ADH1C: variants seen among roughly 807,000 people sequenced by gnomAD.
ADH1C encodes the protein alcohol dehydrogenase 1C.
Under a neutral mutation model 35.0 loss-of-function variants are expected in ADH1C, and 26 were observed. That is an observed-to-expected ratio of 0.74 (90% CI 0.54 to 1.03). The LOEUF (loss-of-function observed/expected upper bound fraction) is 1.03. ADH1C is among the 50% of genes least tolerant of loss of function. The pLI is 0.00. For missense variants in ADH1C, 413 were observed against 465.4 expected (o/e 0.89, Z 1.04); for synonymous variants, 170 against 169.3 (o/e 1.00, Z -0.03).
chr4:99,340,584 T>C lies in ADH1C; in HGVS notation c.955A>G (p.Ile319Val), dbSNP rs1273572942. ...LLTGRTWKGA[I>V]FGGFKSKESV... Reference sequence around the variant, plus strand: ...AAGCCTAACTACATACCTCCAAAAATAGCTCCTTTCCACGTGCGTCCAGTC... The same window carrying C: ...AAGCCTAACTACATACCTCCAAAAACAGCTCCTTTCCACGTGCGTCCAGTC... The change falls in exon 7 of 9, where the codon ATT becomes GTT. Residue 319 changes from isoleucine (I) to valine (V), a missense_variant. Ile to Val is a conservative substitution (Grantham distance 29). Transcript: ENST00000515683. 1 of 1,614,156 alleles carries C rather than the reference T, an allele frequency of 6.2e-7. No individual in the cohort carries two copies. The highest frequency in any genetic ancestry group is 1.7e-5 in the Admixed American group (1 of 60,020).
At chr4:99,343,702 A>G (rs1016780131) in intron 5 of ADH1C, among the ~76,000 whole-genome samples, 2 of 152,222 alleles carry the variant, frequency 1.3e-5, no homozygotes, top group Non-Finnish European at 2.9e-5. Context: ...ATCTGTTGTT[A>G]TGAGTATCCT....
At chr4:99,347,212 C>T in intron 2 of ADH1C, 68 bp from the exon 3 acceptor site, 1 of 1,534,296 alleles carries the variant, frequency 6.5e-7, no homozygotes, top group Non-Finnish European at 8.7e-7. Flanking sequence ...TTAACAAACC[C>T]AATTTTCTAA....
intron 8 of ADH1C, among the ~76,000 whole-genome samples, chr4:99,338,417 A>ATATATATATACAC (rs1734331797): frequency 1.6e-5 from 1 of 63,552 alleles, no homozygotes; most frequent in African/African-American, 5.5e-5. Context: ...ATATATATAT[A>ATATATATATACAC]TATATATATA....
chr4:99,338,393 TTCTATATATATATATATATATATATA>T (rs57823030), intron 8 of ADH1C, among the ~76,000 whole-genome samples: 2,928 of 73,096 alleles, frequency 0.04, 350 homozygotes, highest in Middle Eastern at 0.26. Context: ...GAATACTGTT[TTCTATATATATATATATATATATATA>T]TATATATATA....
At chr4:99,351,129 C>T (rs549474757) in intron 1 of ADH1C, 5 of 151,600 alleles carry the variant, frequency 3.3e-5, no homozygotes, top group African/African-American at 1.2e-4. Flanking sequence ...GAAAGATACT[C>T]CATCTCCAAA....
At chr4:99,343,174 T>G in intron 5 of ADH1C, 119 bp from the exon 6 acceptor site, 1 of 1,414,780 alleles carries the variant, frequency 7.1e-7, no homozygotes, top group Non-Finnish European at 9.5e-7. Context: ...CTGTCCAATC[T>G]GTTATCGAAA....
chr4:99,348,772 A>G (rs1381343021), intron 1 of ADH1C, among the ~76,000 whole-genome samples: 3 of 151,990 alleles, frequency 2.0e-5, no homozygotes, highest in Non-Finnish European at 2.9e-5. Flanking sequence ...ATTTCTCCAC[A>G]TCCTCTCCAG....
intron 7 of ADH1C, 114 bp from the exon 8 acceptor site, chr4:99,339,829 T>C: frequency 1.0e-6 from 1 of 992,040 alleles, no homozygotes. Context: ...CAGACTGCTA[T>C]AACTGAGGAT....
chr4:99,345,454 C>G (rs1252065314), intron 3 of ADH1C, among the ~76,000 whole-genome samples, 188 bp from the exon 4 acceptor site: 1 of 152,046 alleles, frequency 6.6e-6, no homozygotes, highest in Non-Finnish European at 1.5e-5. Context: ...TTTATAAGTG[C>G]CTGAAGAATC....
At chr4:99,337,411 T>G (rs1734302641) in intron 8 of ADH1C, among the ~76,000 whole-genome samples, 1 of 152,132 alleles carries the variant, frequency 6.6e-6, no homozygotes, top group African/African-American at 2.4e-5. Context: ...GATACAGAGA[T>G]GTTTAAGGAT....
rs201424907 is a variant in ADH1C, at chr4:99,344,858, C to T, written c.567+4G>A. On this transcript the variant is annotated splice_donor_region_variant and intron_variant, in intron 5 of 8. Coordinates refer to ENST00000515683, the MANE Select transcript of ADH1C (RefSeq NM_000669.5). ...CCGGTTTTATCATCCATTGTCATTTCTACCTTGGCAACTTTGACTGCAGAC... is the reference window on the plus strand; with the variant it reads ...CCGGTTTTATCATCCATTGTCATTTTTACCTTGGCAACTTTGACTGCAGAC... The T allele has an allele frequency of 2.4e-4, 385 of 1,614,164 alleles. 1 individual carries two copies. The highest frequency in any genetic ancestry group is 1.9e-3 in the South Asian group (175 of 91,082).
rs967562766 is a variant in ADH1C, at chr4:99,347,658, C to A, written c.120+87G>T. On this transcript the variant is annotated intron_variant, in intron 2 of 8. Transcript: ENST00000515683. ...TTCTGGATAATTATATAAAAAATAC[C>A]TCTAGTGGATTTTGGATGTTTCTAT... 64 of 1,232,202 alleles carry A rather than the reference C, an allele frequency of 5.2e-5. No homozygotes were observed. In the Middle Eastern group the frequency reaches 2.5e-3, roughly 48 times the overall value. The allele number at this position is 1,232,202 out of a possible 1,614,324, so 76.3% of individuals were successfully genotyped here.
chr4:99,343,497 G>A (rs1734462330), intron 5 of ADH1C, among the ~76,000 whole-genome samples: 1 of 152,118 alleles, frequency 6.6e-6, no homozygotes, highest in Non-Finnish European at 1.5e-5. Context: ...CATACACCAA[G>A]GCAATATTCG....
intron 8 of ADH1C, 55 bp downstream of exon 8, chr4:99,339,522 C>CTT: frequency 8.3e-7 from 1 of 1,199,606 alleles, no homozygotes; most frequent in Non-Finnish European, 1.1e-6. Context: ...GCCCCCCCCC[C>CTT]CCCCGCCGCT....
intron 8 of ADH1C, among the ~76,000 whole-genome samples, chr4:99,339,128 C>G (rs1463808349): frequency 1.3e-5 from 2 of 152,000 alleles, no homozygotes; most frequent in African/African-American, 4.8e-5. Context: ...CAATGTAGTT[C>G]CACCTACTCC....
intron 8 of ADH1C, 79 bp downstream of exon 8, chr4:99,339,498 C>G: frequency 7.7e-7 from 1 of 1,299,236 alleles, no homozygotes; most frequent in Non-Finnish European, 1.0e-6. Context: ...CCTTTTCATT[C>G]TCTGCTAGAC....
intron 6 of ADH1C, 141 bp downstream of exon 6, chr4:99,342,650 TAAAC>T (rs1195598114): frequency 2.2e-6 from 3 of 1,355,646 alleles, no homozygotes; most frequent in Non-Finnish European, 3.0e-6. Context: ...AACAATAAAT[TAAAC>T]AAGCCAGGTA....
rs948539528 is a variant in ADH1C, at chr4:99,336,878, C to T, written c.1104-102G>A. The stretch of plus-strand genomic sequence containing the variant: ...TTGAGGTGACTTAGTGAAAATCTCT[C>T]TGTGTTCTCAGCCACTCCCTTCCCA... On this transcript the variant is annotated intron_variant, in intron 8 of 8. Coordinates refer to ENST00000515683, the MANE Select transcript of ADH1C (RefSeq NM_000669.5). 8.3e-5 allele frequency: 126 copies of T among 1,525,086 alleles called. 1 individual carries two copies. In the African/African-American group the frequency reaches 1.4e-3, roughly 17 times the overall value. 94.5% of individuals were successfully genotyped at this position (1,525,086 alleles called of 1,614,324 possible).
rs370444853 is a variant in ADH1C at position 99,347,163 on chromosome 4, A to G, written c.121-19T>C. The G allele has an allele frequency of 1.5e-5, 24 of 1,606,220 alleles. No homozygotes were observed. In the African/African-American group the frequency reaches 2.8e-4, roughly 19 times the overall value. ...CCACCATCTACAGAATAAAGAGAAG[A>G]TGTTTAGATTCAGAAAAGATTATGA... On this transcript the variant is annotated intron_variant, in intron 2 of 8. Coordinates refer to ENST00000515683, the MANE Select transcript of ADH1C (RefSeq NM_000669.5).
Sources: allele counts gnomAD v4.1 joint callset (sites outside exome capture counted in the v4.1 genomes callset), GRCh38; gene constraint gnomAD v4.1.1; transcripts MANE v1.5; gene names NCBI Gene and HGNC (gene_info 2026-07-23, HGNC 2026-07-21).